FANCG: variants seen among roughly 807,000 people sequenced by gnomAD.
FANCG encodes the protein FA complementation group G, also known as Fanconi anemia group G protein.
A neutral mutation model predicts 73.3 loss-of-function variants in FANCG; 67 were observed. That is an observed-to-expected ratio of 0.91 (90% CI 0.75 to 1.12). The LOEUF (loss-of-function observed/expected upper bound fraction) is 1.12. Among genes scored for constraint, FANCG ranks in the 50% most tolerant of loss-of-function variants. The pLI is 0.00. For synonymous variants in FANCG, 297 were observed against 311.6 expected, an observed-to-expected ratio of 0.95 and a Z score of 0.49; for missense variants, 643 against 735.6, an observed-to-expected ratio of 0.87 and a Z score of 1.46.
At position 35,074,169 on chromosome 9, in the gene FANCG, G is replaced by A. The variant is rs17878854; in HGVS notation, c.1808C>T (p.Ser603Phe). 63 of 1,614,264 alleles carry A rather than the reference G, an allele frequency of 3.9e-5. No individual in the cohort carries two copies. The East Asian group carries it at 1.2e-3, about 31-fold the overall frequency. ...TTCTTCAAGGAAGGCGTCACGATCA[G>A]AGGGACGGATCCAGCTCAAATAGCT... ...LESYLSWIRP[S>F]DRDAFLEEFR... The change falls in exon 14 of 14, where the codon TCT becomes TTT. Residue 603 changes from serine (S) to phenylalanine (F), a missense_variant. Physicochemically the swap from Ser to Phe is radical, Grantham distance 155. Coordinates refer to ENST00000378643, the MANE Select transcript of FANCG (RefSeq NM_004629.2).
rs771357395 is a variant in FANCG, at chr9:35,076,719, C to G, written c.924+5G>C. 6.2e-7 allele frequency: 1 copy of G among 1,614,242 alleles called. No homozygotes were observed. The highest frequency in any genetic ancestry group is 8.5e-7 in the Non-Finnish European group (1 of 1,180,036). On this transcript the variant is annotated splice_donor_5th_base_variant and intron_variant, in intron 7 of 13. Transcript: ENST00000378643. ...ACCCCACATCTTCACCTGGCAGTTC[C>G]CTACCTCAACTAGCAGCTCCAGACT... is the stretch of plus-strand genomic sequence containing the variant.
intron 3 of FANCG, 99 bp downstream of exon 3, chr9:35,078,506 A>T: frequency 6.3e-7 from 1 of 1,578,276 alleles, no homozygotes; most frequent in Non-Finnish European, 8.7e-7. Flanking sequence ...ACCTCTCTCC[A>T]TGGAGGTGAC....
At chr9:35,074,573 G>T in intron 12 of FANCG, 79 bp from the exon 13 acceptor site, 1 of 1,583,796 alleles carries the variant, frequency 6.3e-7, no homozygotes, top group Non-Finnish European at 8.7e-7. Context: ...GGAAACTGAG[G>T]CCTAGAGAGA....
At chr9:35,077,611 A>T (rs1026649396) in intron 4 of FANCG, among the ~76,000 whole-genome samples, 2 of 152,098 alleles carry the variant, frequency 1.3e-5, no homozygotes, top group Admixed American at 6.5e-5. Flanking sequence ...AGAATTAAAA[A>T]AAAGGAAGAA....
chr9:35,078,365 A>C, intron 3 of FANCG, 22 bp from the exon 4 acceptor site: 1 of 1,608,770 alleles, frequency 6.2e-7, no homozygotes, highest in African/African-American at 1.3e-5. Flanking sequence ...ACACACACAC[A>C]TAGACACACA....
chr9:35,074,080 C>G lies in FANCG; in HGVS notation c.*28G>C. 1.3e-6 allele frequency: 2 copies of G among 1,564,316 alleles called. No homozygotes were observed. Among genetic ancestry groups the G allele is most frequent in the Non-Finnish European group, 1.8e-6 (2 of 1,134,826 alleles). ...CACAGAGAGACAGCCCACTGGGGAC[C>G]CAGCTCAAGCTCTTCAAAACGTGGC... On this transcript the variant is annotated 3_prime_UTR_variant, in exon 14 of 14. Transcript: ENST00000378643.
Position 35,076,136 on chromosome 9 carries a change from G to A in FANCG, c.1077-108C>T, listed in dbSNP as rs1829078634. 4 of 1,173,134 alleles carry A rather than the reference G, an allele frequency of 3.4e-6. No homozygotes were observed. The Admixed American group carries it at 6.8e-5, about 20-fold the overall frequency. 72.7% of individuals were successfully genotyped at this position (1,173,134 alleles called of 1,614,324 possible). On this transcript the variant is annotated intron_variant, in intron 8 of 13. Coordinates refer to ENST00000378643, the MANE Select transcript of FANCG (RefSeq NM_004629.2). ...ACAGATGGATGTTCATGGGCCCTGAGGAGGAGAAAGGGAGGGAAGGTCTTA... is the reference window on the plus strand; with the variant it reads ...ACAGATGGATGTTCATGGGCCCTGAAGAGGAGAAAGGGAGGGAAGGTCTTA...
rs1234883598 is a variant in FANCG, at chr9:35,079,139, G to C, written c.175+12C>G. ...AGAGGGGAACTGACCATCCTGGGGA[G>C]GACCCGCCTACCTTGCAGACTATGG... On this transcript the variant is annotated intron_variant, in intron 2 of 13. Coordinates refer to ENST00000378643, the MANE Select transcript of FANCG (RefSeq NM_004629.2). The C allele has an allele frequency of 6.2e-7, 1 of 1,600,700 alleles. No homozygotes were observed. The highest frequency in any genetic ancestry group is 8.5e-7 in the Non-Finnish European group (1 of 1,173,478).
At position 35,075,592 on chromosome 9, in the gene FANCG, C is replaced by G; in HGVS notation, c.1306G>C (p.Glu436Gln). ...SLLPKMSRLW[E>Q]DARKGTKELP... ...TCCTTGGTTCCTTTTCTGGCATCTT[C>G]CCACAGCCGGGACATCTTGGGTAGC... The change falls in exon 10 of 14, where the codon GAA becomes CAA. Residue 436 changes from glutamate (E) to glutamine (Q), a missense_variant. Glu to Gln is a conservative substitution (Grantham distance 29). Coordinates refer to ENST00000378643, the MANE Select transcript of FANCG (RefSeq NM_004629.2). The G allele has an allele frequency of 6.2e-7, 1 of 1,614,172 alleles. No homozygotes were observed. The highest frequency in any genetic ancestry group is 8.5e-7 in the Non-Finnish European group (1 of 1,180,032).
chr9:35,079,086 C>A, intron 2 of FANCG, 65 bp downstream of exon 2: 2 of 1,383,384 alleles, frequency 1.4e-6, no homozygotes, highest in Non-Finnish European at 1.0e-6. Context: ...CCCAAAAACG[C>A]AGGAGCGGAT....
At position 35,078,651 on chromosome 9, in the gene FANCG, A is replaced by G. The variant is rs2131059036; in HGVS notation, c.261T>C (p.Gly87=). The change falls in exon 3 of 14, where the codon GGT becomes GGC. Residue 87 remains glycine (G), a synonymous_variant. Transcript: ENST00000378643. ...TATCCTGGGCCTGATCCTCTGTGAA[A>G]CCCTGGGCCAAGCTTGCCCTCAGGA... ...FIILRASLAQ[G]FTEDQAQDIQ... is the part of the protein sequence containing the mutation. 6.2e-7 allele frequency: 1 copy of G among 1,614,118 alleles called. No individual in the cohort carries two copies.
In FANCG at chr9:35,078,156, G is replaced by A. The variant is rs1829120053; in HGVS notation, c.495C>T (p.Thr165=). 1.9e-6 allele frequency: 3 copies of A among 1,614,068 alleles called. No homozygotes were observed. The highest frequency in any genetic ancestry group is 2.5e-6 in the Non-Finnish European group (3 of 1,180,024). Residue 165 remains threonine (T), a synonymous_variant, in exon 4 of 14, where the codon ACC becomes ACT. Transcript: ENST00000378643. The part of the protein sequence containing the change: ...RLGDLALLLE[T]LNGSQSGASK... The stretch of plus-strand genomic sequence containing the variant: ...TCCCTATTACCTGGCTGCCATTCAG[G>A]GTCTCTAGTAACAAGGCCAGGTCCC...
chr9:35,076,350 C>T, intron 8 of FANCG, 82 bp downstream of exon 8: 2 of 1,551,648 alleles, frequency 1.3e-6, no homozygotes, highest in Non-Finnish European at 1.8e-6. Context: ...TCCCCCAAGT[C>T]ACAAGAACAA....
At chr9:35,076,620 T>C (rs753610432) in intron 7 of FANCG, 37 bp from the exon 8 acceptor site, 1 of 1,614,136 alleles carries the variant, frequency 6.2e-7, no homozygotes, top group East Asian at 2.2e-5. Context: ...CTATAATCTT[T>C]GGGAGCCATA....
intron 6 of FANCG, 24 bp downstream of exon 6, chr9:35,076,947 A>G: frequency 6.2e-7 from 1 of 1,613,990 alleles, no homozygotes; most frequent in South Asian, 1.1e-5. Flanking sequence ...TGGTTTCCCC[A>G]ATCCACCCTA....
chr9:35,073,850 T>A lies in FANCG; in HGVS notation c.*258A>T, dbSNP rs1829024551. ...GTAGGCAGACGAGATAAATATGAAA[T>A]TTTACTCGACAACAGAAAAGGAGAA... On this transcript the variant is annotated 3_prime_UTR_variant, in exon 14 of 14. Transcript: ENST00000378643. 1.8e-6 allele frequency: 1 copy of A among 555,706 alleles called. No individual in the cohort carries two copies. Among genetic ancestry groups the A allele is most frequent in the South Asian group, 2.0e-5 (1 of 49,574 alleles). The allele number at this position is 555,706 out of a possible 1,614,324, so 34.4% of individuals were successfully genotyped here.
In FANCG at chr9:35,073,877, C is replaced by A. The variant is rs938945044; in HGVS notation, c.*231G>T. On this transcript the variant is annotated 3_prime_UTR_variant, in exon 14 of 14. Coordinates refer to ENST00000378643, the MANE Select transcript of FANCG (RefSeq NM_004629.2). ...TTACTCGACAACAGAAAAGGAGAAACAGGAAAAAAGGTGCCTCGAGCAAAG... is the reference window on the plus strand; with the variant it reads ...TTACTCGACAACAGAAAAGGAGAAAAAGGAAAAAAGGTGCCTCGAGCAAAG... The A allele has an allele frequency of 1.8e-5, 11 of 597,820 alleles. No homozygotes were observed. The African/African-American group carries it at 2.0e-4, about 11-fold the overall frequency. The allele number at this position is 597,820 out of a possible 1,614,324, so 37.0% of individuals were successfully genotyped here. A position where few individuals can be genotyped will look rare whatever the true frequency, so the allele number is the denominator to read the frequency against.
Position 35,079,632 on chromosome 9 carries a change from C to T in FANCG, c.-108G>A, listed in dbSNP as rs1428662491. ...GAGGGGCCTGGGCACTTCTGCACCCCGCCGAGCTCCCCTGCTTCTCTCGGG... is the reference window on the plus strand; with the variant it reads ...GAGGGGCCTGGGCACTTCTGCACCCTGCCGAGCTCCCCTGCTTCTCTCGGG... On this transcript the variant is annotated 5_prime_UTR_variant, in exon 1 of 14. Transcript: ENST00000378643. The T allele has an allele frequency of 3.7e-6, 4 of 1,083,134 alleles. No individual in the cohort carries two copies. In the African/African-American group the frequency reaches 4.6e-5, roughly 13 times the overall value. The allele number at this position is 1,083,134 out of a possible 1,614,324, so 67.1% of individuals were successfully genotyped here.
At chr9:35,074,279 C>T (rs901236235) in intron 13 of FANCG, 63 bp from the exon 14 acceptor site, 5 of 1,612,460 alleles carry the variant, frequency 3.1e-6, no homozygotes, top group Middle Eastern at 1.7e-4. Flanking sequence ...GCAGCCATAC[C>T]CCCGCTTTCA....
Sources: allele counts gnomAD v4.1 joint callset (sites outside exome capture counted in the v4.1 genomes callset), GRCh38; gene constraint gnomAD v4.1.1; transcripts MANE v1.5; gene names NCBI Gene and HGNC (gene_info 2026-07-23, HGNC 2026-07-21).